The following OR1L8 variants were observed in gnomAD, a reference collection of about 807,000 sequenced individuals.
The protein encoded by OR1L8 is olfactory receptor family 1 subfamily L member 8.
For synonymous variants in OR1L8, 148 were observed against 147.0 expected (o/e 1.01, Z -0.05); for missense variants, 330 against 377.4 (o/e 0.87, Z 1.04).
At chr9:122,547,066 C>CA in the OR1L8 span, among the ~76,000 whole-genome samples, 2 of 151,102 alleles carry the variant, frequency 1.3e-5, no homozygotes, top group African/African-American at 4.9e-5. Context: ...TAGCTGTAAT[C>CA]AAAAATAATT....
intron 1 of OR1L8, among the ~76,000 whole-genome samples, chr9:122,579,748 G>A (rs1401147143): frequency 6.6e-6 from 1 of 152,108 alleles, no homozygotes; most frequent in Non-Finnish European, 1.5e-5. Flanking sequence ...GTCAAGATTT[G>A]TGTAGGGAAG....
chr9:122,554,242 T>C, the OR1L8 span: 30 of 1,097,374 alleles, frequency 2.7e-5, no homozygotes, highest in Non-Finnish European at 3.4e-5. Flanking sequence ...ACTACTGTCA[T>C]GTTGATATTA....
intron 2 of OR1L8, among the ~76,000 whole-genome samples, chr9:122,577,451 A>AAAG (rs1228338028): frequency 6.6e-6 from 1 of 152,250 alleles, no homozygotes. Context: ...CAGAATTATA[A>AAAG]AAGAAGGCAA....
intron 4 of OR1L8, among the ~76,000 whole-genome samples, chr9:122,569,238 T>C (rs1829496270): frequency 6.6e-6 from 1 of 152,210 alleles, no homozygotes; most frequent in South Asian, 2.1e-4. Context: ...AAATTGTTTT[T>C]CCCTTCTTTA....
the OR1L8 span, among the ~76,000 whole-genome samples, chr9:122,559,365 C>T: frequency 6.6e-6 from 1 of 151,820 alleles, no homozygotes; most frequent in Non-Finnish European, 1.5e-5. Flanking sequence ...AGGTTTGTTA[C>T]ACAGGTATAT....
At chr9:122,581,422 T>G (rs1829737306) in intron 1 of OR1L8, among the ~76,000 whole-genome samples, 1 of 152,028 alleles carries the variant, frequency 6.6e-6, no homozygotes, top group Non-Finnish European at 1.5e-5. Flanking sequence ...TCAAAGCAAT[T>G]ACAGTTAGGT....
the OR1L8 span, chr9:122,553,532 C>T: frequency 6.2e-7 from 1 of 1,614,126 alleles, no homozygotes; most frequent in East Asian, 2.2e-5. Context: ...TATATTTCCT[C>T]CTTATGTTTG....
the OR1L8 span, among the ~76,000 whole-genome samples, chr9:122,556,853 A>G: frequency 1.8e-4 from 28 of 152,320 alleles, no homozygotes; most frequent in African/African-American, 6.5e-4. Context: ...GAATGACACC[A>G]TGATAACATT....
intron 1 of OR1L8, among the ~76,000 whole-genome samples, chr9:122,582,484 G>C (rs1416732847): frequency 6.6e-6 from 1 of 152,066 alleles, no homozygotes; most frequent in Non-Finnish European, 1.5e-5. Context: ...GGGAAGCCTA[G>C]GCAAGAGGAT....
At chr9:122,579,706 A>AC (rs1829714994) in intron 1 of OR1L8, among the ~76,000 whole-genome samples, 1 of 152,194 alleles carries the variant, frequency 6.6e-6, no homozygotes, top group African/African-American at 2.4e-5. Context: ...TTATTTCAGG[A>AC]TTAAGTCTAC....
chr9:122,562,035 G>A, the OR1L8 span, among the ~76,000 whole-genome samples: 4 of 152,178 alleles, frequency 2.6e-5, no homozygotes, highest in Admixed American at 2.0e-4. Context: ...AGCCCCTGGC[G>A]GGAGTTGTTG....
chr9:122,546,990 G>A, the OR1L8 span, among the ~76,000 whole-genome samples: 6,949 of 152,066 alleles, frequency 0.046, 224 homozygotes, highest in Middle Eastern at 0.078. Flanking sequence ...TTGAAACTAT[G>A]TAATGTATTA....
chr9:122,557,850 T>A, the OR1L8 span, among the ~76,000 whole-genome samples: 1 of 152,056 alleles, frequency 6.6e-6, no homozygotes, highest in Admixed American at 6.5e-5. Flanking sequence ...TGGTACTTTC[T>A]GTTTGGGAAA....
downstream of OR1L8, among the ~76,000 whole-genome samples, chr9:122,563,537 AAAT>A (rs1829385078): frequency 3.3e-5 from 5 of 152,188 alleles, no homozygotes; most frequent in Admixed American, 3.3e-4. Context: ...CATAGTTTGC[AAAT>A]ATTTTCTCCC....
At chr9:122,571,035 A>G (rs1829537546) in intron 4 of OR1L8, among the ~76,000 whole-genome samples, 1 of 152,208 alleles carries the variant, frequency 6.6e-6, no homozygotes, top group African/African-American at 2.4e-5. Flanking sequence ...AGCTATACAT[A>G]TCTTACAATC....
chr9:122,576,388 A>ATT (rs71371951), intron 3 of OR1L8, among the ~76,000 whole-genome samples: 161 of 138,624 alleles, frequency 1.2e-3, no homozygotes, highest in African/African-American at 3.9e-3. Flanking sequence ...CGCCCAGCTA[A>ATT]TTTTTTTTTT....
intron 4 of OR1L8, among the ~76,000 whole-genome samples, chr9:122,571,481 C>T (rs931594426): frequency 3.3e-5 from 5 of 150,068 alleles, no homozygotes; most frequent in Admixed American, 1.3e-4. Flanking sequence ...GCCCAGGAGA[C>T]GGAGGTTGCA....
At chr9:122,547,977 G>A in the OR1L8 span, among the ~76,000 whole-genome samples, 3,800 of 152,068 alleles carry the variant, frequency 0.025, 275 homozygotes, top group East Asian at 0.29. Context: ...TTTTACAATA[G>A]CCATTCTGAC....
rs766606509 is a variant in OR1L8, at chr9:122,567,723, A to G, written c.755T>C (p.Phe252Ser). Residue 252 changes from phenylalanine to serine, a missense_variant, in exon 5 of 5, where the codon TTT becomes TCT. Physicochemically the swap from Phe to Ser is radical, Grantham distance 155. Coordinates refer to ENST00000641027, the MANE Select transcript of OR1L8 (RefSeq NM_001004454.2). ...CGFYLTVVTLFYGSIFCVYLQ... is the reference protein window; with the variant it reads ...CGFYLTVVTLSYGSIFCVYLQ... ...ATAGACACAGAAGATGCTTCCATAA[A>G]AGAGCGTCACCACGGTGAGGTAAAA... The G allele has an allele frequency of 6.2e-7, 1 of 1,614,076 alleles. No individual in the cohort carries two copies. Among genetic ancestry groups the G allele is most frequent in the Admixed American group, 1.7e-5 (1 of 60,010 alleles).
Sources: allele counts gnomAD v4.1 joint callset (sites outside exome capture counted in the v4.1 genomes callset), GRCh38; gene constraint gnomAD v4.1.1; transcripts MANE v1.5; gene names NCBI Gene and HGNC (gene_info 2026-07-23, HGNC 2026-07-21).